The following SERINC5 variants were observed in gnomAD, a reference collection of about 807,000 sequenced individuals.
SERINC5 encodes serine incorporator 5, also known as chromosome 5 open reading frame 12.
Under a neutral mutation model 63.1 loss-of-function variants are expected in SERINC5, and 41 were observed. The ratio of observed to expected loss-of-function variants is 0.65; its 90% CI spans 0.51 to 0.84. The LOEUF (loss-of-function observed/expected upper bound fraction) is 0.84. Ranked by LOEUF, SERINC5 falls within the 40% of genes least tolerant of loss-of-function variation. The pLI is 0.00. For synonymous variants in SERINC5, 222 were observed against 215.2 expected, an observed-to-expected ratio of 1.03 and a Z score of -0.28; for missense variants, 523 against 573.0, an observed-to-expected ratio of 0.91 and a Z score of 0.89.
intron 1 of SERINC5, among the ~76,000 whole-genome samples, chr5:80,204,048 C>T (rs753409268): frequency 6.6e-6 from 1 of 152,246 alleles, no homozygotes; most frequent in Admixed American, 6.5e-5. Flanking sequence ...GAGGGTGGTG[C>T]ACCCAAACTC....
chr5:80,119,121 G>A (rs1189374318), intron 11 of SERINC5, among the ~76,000 whole-genome samples: 1 of 152,092 alleles, frequency 6.6e-6, no homozygotes, highest in African/African-American at 2.4e-5. Flanking sequence ...TCAGCTTCTG[G>A]AAAAGGGCCA....
chr5:80,230,332 G>A (rs984170680), intron 1 of SERINC5, among the ~76,000 whole-genome samples: 1 of 151,680 alleles, frequency 6.6e-6, no homozygotes, highest in Admixed American at 6.6e-5. Flanking sequence ...AATGAAGTGT[G>A]GTGGCATGCA....
rs115205303 is a variant in SERINC5 at position 80,169,461 on chromosome 5, A to G, written c.637T>C (p.Leu213=). 1,536 of 1,613,976 alleles carry G rather than the reference A, an allele frequency of 9.5e-4. 13 individuals carry two copies. In the African/African-American group the frequency reaches 0.018, roughly 19 times the overall value. The change falls in exon 6 of 12, where the codon TTG becomes CTG. Residue 213 remains leucine (L), a synonymous_variant. Transcript: ENST00000507668. Reference sequence around the variant, plus strand: ...GTATAAAACACTGCCATCAAAACCAAGCCTCCAGTGGCAATGGAATACATG... The same window carrying G: ...GTATAAAACACTGCCATCAAAACCAGGCCTCCAGTGGCAATGGAATACATG... ...LIMYSIATGG[L]VLMAVFYTQK...
intron 2 of SERINC5, among the ~76,000 whole-genome samples, chr5:80,189,891 G>GACAA (rs1171640314): frequency 5.3e-5 from 8 of 151,952 alleles, no homozygotes; most frequent in Middle Eastern, 6.8e-3. Context: ...TTTACTTTTT[G>GACAA]TAGAGACAGG....
chr5:80,222,551 T>TGAGTATGTGA (rs1276225852), intron 1 of SERINC5, among the ~76,000 whole-genome samples: 1 of 111,968 alleles, frequency 8.9e-6, no homozygotes, highest in Non-Finnish European at 2.1e-5. Flanking sequence ...TTTTTGTGGG[T>TGAGTATGTGA]GAGTGTGTGA....
At position 80,139,770 on chromosome 5, in the gene SERINC5, T is replaced by C. The variant is rs542561678; in HGVS notation, c.*3893A>G. The C allele has an allele frequency of 7.1e-6, 7 of 985,424 alleles. No homozygotes were observed. The East Asian group carries it at 3.4e-4, about 48-fold the overall frequency. 61.0% of individuals were successfully genotyped at this position (985,424 alleles called of 1,614,324 possible). ...CACAAGCCAAGTGGCTACTGCATTG[T>C]CCCTGAAGAAGGAGGGCCCAGTGTT... On this transcript the variant is annotated 3_prime_UTR_variant, in exon 12 of 12. Coordinates refer to ENST00000507668, the MANE Select transcript of SERINC5 (RefSeq NM_001174072.3).
intron 7 of SERINC5, among the ~76,000 whole-genome samples, chr5:80,162,384 AT>A (rs544713866): frequency 3.1e-4 from 47 of 151,756 alleles, no homozygotes; most frequent in Non-Finnish European, 6.6e-4. Context: ...TTTTATTTTT[AT>A]TTTTTTGAGA....
Position 80,175,431 on chromosome 5 carries a change from T to C in SERINC5, c.458-384A>G, listed in dbSNP as rs147395188. Among the ~76,000 whole-genome samples, 221 of 152,264 alleles carry C rather than the reference T, an allele frequency of 1.5e-3. 1 individual carries two copies. The highest frequency in any genetic ancestry group is 5.0e-3 in the African/African-American group (206 of 41,552). The stretch of plus-strand genomic sequence containing the variant: ...CCAGGAAAATCAAAGGTTCAAATTT[T>C]ATTGGGTAAAAAGTCAACAATGACC... On this transcript the variant is annotated intron_variant, in intron 4 of 11. Transcript: ENST00000507668.
intron 1 of SERINC5, among the ~76,000 whole-genome samples, chr5:80,207,778 G>A (rs915414932): frequency 1.4e-4 from 21 of 152,278 alleles, no homozygotes; most frequent in African/African-American, 4.8e-4. Context: ...ATTTATCAAA[G>A]TAAACTATGC....
Position 80,147,438 on chromosome 5 carries a change from C to A in SERINC5, c.1054-154G>T, listed in dbSNP as rs550494262. 2.0e-5 allele frequency among the ~76,000 whole-genome samples: 3 copies of A among 152,300 alleles called. No individual in the cohort carries two copies. In the East Asian group the frequency reaches 5.8e-4, roughly 29 times the overall value. On this transcript the variant is annotated intron_variant, in intron 9 of 11. Transcript: ENST00000507668. The stretch of plus-strand genomic sequence containing the variant: ...TGTGCTGGGTGTTGGTGACAGGAAA[C>A]CCCATGGAGGGAGATGTGCCACAGA...
intron 12 of SERINC5, among the ~76,000 whole-genome samples, chr5:80,113,346 T>C (rs1235901876): frequency 6.6e-6 from 1 of 152,174 alleles, no homozygotes; most frequent in African/African-American, 2.4e-5. Context: ...CTAGTATCAT[T>C]TCTAGTCTGC....
At chr5:80,122,083 T>C in intron 11 of SERINC5, among the ~76,000 whole-genome samples, 1 of 151,898 alleles carries the variant, frequency 6.6e-6, no homozygotes, top group East Asian at 1.9e-4. Flanking sequence ...TGTGCAAACA[T>C]TTTATTCTAT....
chr5:80,242,977 T>A (rs1458347107), intron 1 of SERINC5, among the ~76,000 whole-genome samples: 2 of 152,202 alleles, frequency 1.3e-5, no homozygotes, highest in Non-Finnish European at 2.9e-5. Context: ...CTAGTTTTAG[T>A]AGGTCAGGGA....
At chr5:80,154,668 T>C (rs1746411557) in intron 8 of SERINC5, among the ~76,000 whole-genome samples, 1 of 152,114 alleles carries the variant, frequency 6.6e-6, no homozygotes, top group South Asian at 2.1e-4. Flanking sequence ...TTTTTTAATG[T>C]AGAACAATCC....
At chr5:80,176,647 G>A (rs948051205) in intron 4 of SERINC5, among the ~76,000 whole-genome samples, 2 of 152,128 alleles carry the variant, frequency 1.3e-5, no homozygotes, top group Admixed American at 6.5e-5. Context: ...TGGCCAGGCT[G>A]GTCTCAGACG....
intron 7 of SERINC5, among the ~76,000 whole-genome samples, chr5:80,164,294 T>G (rs1747126959): frequency 6.6e-6 from 1 of 152,002 alleles, no homozygotes; most frequent in Admixed American, 6.5e-5. Flanking sequence ...AAACCACCTT[T>G]TTTTTGTTTT....
chr5:80,234,726 A>C (rs889291185), intron 1 of SERINC5, among the ~76,000 whole-genome samples: 1 of 152,136 alleles, frequency 6.6e-6, no homozygotes, highest in Non-Finnish European at 1.5e-5. Flanking sequence ...AGTTTCTAGG[A>C]TATCTTTAAA....
intron 1 of SERINC5, among the ~76,000 whole-genome samples, chr5:80,220,669 CCGCCTCTGAGGTAGG>C (rs924397300): frequency 6.6e-6 from 1 of 152,008 alleles, no homozygotes; most frequent in Admixed American, 6.6e-5. Flanking sequence ...CTGATTGATG[CCGCCTCTGAGGTAGG>C]CGCCTCTGAG....
At chr5:80,130,041 T>C (rs1256314242) in intron 11 of SERINC5, among the ~76,000 whole-genome samples, 1 of 152,176 alleles carries the variant, frequency 6.6e-6, no homozygotes, top group African/African-American at 2.4e-5. Context: ...GATAGTTTCA[T>C]GTTTTTTTGA....
Sources: gnomAD v4.1 joint callset for allele counts (sites outside exome capture counted in the v4.1 genomes callset) on GRCh38, gnomAD v4.1.1 for gene constraint, MANE v1.5 for transcripts, NCBI Gene and HGNC (gene_info 2026-07-23, HGNC 2026-07-21) for gene names.